Variants in RB1CC1 observed in about 807,000 individuals in gnomAD.
The protein encoded by RB1CC1 is RB1-inducible coiled-coil protein 1.
Under a neutral mutation model 177.5 loss-of-function variants are expected in RB1CC1, and 46 were observed. The observed-to-expected ratio is 0.26, with a 90% CI of 0.20 to 0.33. The LOEUF is 0.33. RB1CC1 is among the 10% of genes least tolerant of loss of function. The pLI is 1.00. For synonymous variants in RB1CC1, 666 were observed against 613.6 expected (o/e 1.09, Z -1.26); for missense variants, 1,703 against 1,816.3 (o/e 0.94, Z 1.13).
chr8:52,687,677 C>G (rs111710352), intron 1 of RB1CC1, among the ~76,000 whole-genome samples: 13 of 152,224 alleles, frequency 8.5e-5, no homozygotes, highest in African/African-American at 3.1e-4. Context: ...TCTTGACAAC[C>G]ACCACAAGCC....
chr8:52,706,955 C>T (rs1331747526), intron 1 of RB1CC1, among the ~76,000 whole-genome samples: 1 of 152,064 alleles, frequency 6.6e-6, no homozygotes, highest in South Asian at 2.1e-4. Flanking sequence ...AGTCACCACG[C>T]CCCAATTGTT....
At chr8:52,667,992 T>G (rs1852223500) in intron 8 of RB1CC1, 29 bp downstream of exon 8, 1 of 1,583,824 alleles carries the variant, frequency 6.3e-7, no homozygotes, top group Non-Finnish European at 8.6e-7. Context: ...TATAAATTCC[T>G]TTTCCTGAGA....
chr8:52,652,096 AAACTT>A lies in RB1CC1; in HGVS notation c.3821+3907_3821+3911del, dbSNP rs1357320245. 1.6e-4 allele frequency among the ~76,000 whole-genome samples: 24 copies of A among 152,326 alleles called. No individual in the cohort carries two copies. In the East Asian group the frequency reaches 4.4e-3, roughly 28 times the overall value. ...GATTTTTTTTCATATACTTCAATCAAAACTTAAGAGATTTGCAAATACATAGAACA... is the reference window on the plus strand; with the variant it reads ...GATTTTTTTTCATATACTTCAATCAAAAGAGATTTGCAAATACATAGAACA... On this transcript the variant is annotated intron_variant, in intron 15 of 23. Transcript: ENST00000025008.
chr8:52,635,515 A>C (rs1037406460), intron 19 of RB1CC1, among the ~76,000 whole-genome samples: 1 of 152,138 alleles, frequency 6.6e-6, no homozygotes, highest in African/African-American at 2.4e-5. Context: ...ATGTGTACCA[A>C]TTTGATCTTA....
Position 52,661,719 on chromosome 8 carries a change from C to A in RB1CC1, c.1174G>T (p.Gly392Ter). 3 of 1,536,228 alleles carry A rather than the reference C, an allele frequency of 2.0e-6. No homozygotes were observed. Among genetic ancestry groups the A allele is most frequent in the East Asian group, 2.4e-5 (1 of 42,536 alleles). The change falls in exon 9 of 24, where the codon GGA becomes TGA. Residue 392 changes from glycine to a stop codon, truncating the protein, a stop_gained and splice_region_variant. Coordinates refer to ENST00000025008, the MANE Select transcript of RB1CC1 (RefSeq NM_014781.5). LOFTEE classifies it high-confidence loss of function. Reference protein sequence around the residue: ...LVNEQKELAQGFLANQKRAEN... With the variant: ...LVNEQKELAQ ...GCTCTCTTCTGATTAGCTAAAAATCCCTTTGAGAAAAAAAATGTTTCAAAG... is the reference window on the plus strand; with the variant it reads ...GCTCTCTTCTGATTAGCTAAAAATCACTTTGAGAAAAAAAATGTTTCAAAG...
chr8:52,696,698 C>A (rs1056930101), intron 1 of RB1CC1, among the ~76,000 whole-genome samples: 1 of 152,142 alleles, frequency 6.6e-6, no homozygotes, highest in Admixed American at 6.5e-5. Flanking sequence ...CACTGTCCTT[C>A]CTATATGAAA....
rs73595497 is a variant in RB1CC1 at position 52,687,846 on chromosome 8, T to C, written c.-166-879A>G. ...TTGCTTCAAACAATCAAGTTTACTG[T>C]AATTTCTCACTCAACAATAGATGAT... On this transcript the variant is annotated intron_variant, in intron 1 of 23. Transcript: ENST00000025008. Among the ~76,000 whole-genome samples, 531 of 152,342 alleles carry C rather than the reference T, an allele frequency of 3.5e-3. 4 individuals are homozygous for C. The highest frequency in any genetic ancestry group is 0.012 in the African/African-American group (515 of 41,584).
In RB1CC1 at chr8:52,674,094, G is replaced by A. The variant is rs753415896; in HGVS notation, c.753C>T (p.Asn251=). ...VLSPDMPRTT[N]ESLLTSFPKS... ...TGGGAAATGAGGTTAACAAAGATTC[G>A]TTAGTTGTTCTAGGCATATCAGGAG... is the stretch of plus-strand genomic sequence containing the variant. Residue 251 remains asparagine (N), a synonymous_variant, in exon 7 of 24, where the codon AAC becomes AAT. Coordinates refer to ENST00000025008, the MANE Select transcript of RB1CC1 (RefSeq NM_014781.5). 2.9e-5 allele frequency: 46 copies of A among 1,614,020 alleles called. No individual in the cohort carries two copies. The highest frequency in any genetic ancestry group is 1.9e-4 in the South Asian group (17 of 91,090).
In RB1CC1 at chr8:52,660,223, A is replaced by C. The variant is rs189483123; in HGVS notation, c.1689+373T>G. Among the ~76,000 whole-genome samples the C allele has an allele frequency of 1.1e-3, 170 of 152,234 alleles. 1 individual carries two copies. The highest frequency in any genetic ancestry group is 3.9e-3 in the African/African-American group (160 of 41,556). On this transcript the variant is annotated intron_variant, in intron 12 of 23. Coordinates refer to ENST00000025008, the MANE Select transcript of RB1CC1 (RefSeq NM_014781.5). ...GGGGTGGTGTGAAAAGAAATATAGA[A>C]GGGCAAGGAGGAGGTGGAGGCTGTA...
chr8:52,705,582 C>T (rs749184829), intron 1 of RB1CC1, among the ~76,000 whole-genome samples: 9 of 152,188 alleles, frequency 5.9e-5, no homozygotes, highest in Non-Finnish European at 8.8e-5. Flanking sequence ...AATTCTACTT[C>T]TGGGAGCAAA....
chr8:52,712,997 A>T (rs1857183002), intron 1 of RB1CC1, among the ~76,000 whole-genome samples: 1 of 152,248 alleles, frequency 6.6e-6, no homozygotes, highest in South Asian at 2.1e-4. Flanking sequence ...ATCACAATGT[A>T]ATAACATTCT....
intron 18 of RB1CC1, among the ~76,000 whole-genome samples, chr8:52,640,864 T>A (rs1308654754): frequency 6.6e-6 from 1 of 152,158 alleles, no homozygotes; most frequent in African/African-American, 2.4e-5. Flanking sequence ...GTAACCAGTT[T>A]CTATTATTTT....
chr8:52,709,644 G>A (rs1336702198), intron 1 of RB1CC1, among the ~76,000 whole-genome samples: 2 of 152,212 alleles, frequency 1.3e-5, no homozygotes, highest in African/African-American at 4.8e-5. Context: ...AGGCTGAAGT[G>A]GGAGGATCAT....
In RB1CC1 at chr8:52,645,682, A is replaced by G. The variant is rs996387767; in HGVS notation, c.3987+20T>C. The G allele has an allele frequency of 1.3e-6, 2 of 1,597,946 alleles. No individual in the cohort carries two copies. Among genetic ancestry groups the G allele is most frequent in the African/African-American group, 1.4e-5 (1 of 73,734 alleles). On this transcript the variant is annotated intron_variant, in intron 16 of 23. Coordinates refer to ENST00000025008, the MANE Select transcript of RB1CC1 (RefSeq NM_014781.5). ...CTACCTTCTTTAGTTCTCAAATGAA[A>G]TGGGAAAAGAGATACAGACCTGTTG...
At chr8:52,713,026 A>T (rs1563488583) in intron 1 of RB1CC1, among the ~76,000 whole-genome samples, 1 of 152,244 alleles carries the variant, frequency 6.6e-6, no homozygotes, top group Non-Finnish European at 1.5e-5. Flanking sequence ...CACACAATTA[A>T]GTCTACTTAA....
At chr8:52,653,477 C>T (rs1037212304) in intron 15 of RB1CC1, among the ~76,000 whole-genome samples, 6 of 152,100 alleles carry the variant, frequency 3.9e-5, no homozygotes, top group African/African-American at 1.4e-4. Context: ...CCTACTAAAA[C>T]TGTAAAAACA....
intron 15 of RB1CC1, among the ~76,000 whole-genome samples, chr8:52,651,847 C>T (rs551053348): frequency 1.4e-4 from 22 of 152,168 alleles, no homozygotes; most frequent in Admixed American, 8.5e-4. Flanking sequence ...CAACTCATGA[C>T]GCTATAAAAT....
intron 15 of RB1CC1, among the ~76,000 whole-genome samples, chr8:52,649,675 T>A (rs1280525285): frequency 1.3e-5 from 2 of 152,136 alleles, no homozygotes; most frequent in Non-Finnish European, 2.9e-5. Flanking sequence ...GAAATTAGAA[T>A]TACAAAATTA....
chr8:52,652,845 G>A (rs940310369), intron 15 of RB1CC1, among the ~76,000 whole-genome samples: 1 of 151,692 alleles, frequency 6.6e-6, no homozygotes, highest in Admixed American at 6.6e-5. Flanking sequence ...ATCACCTGAG[G>A]TCAGGAGTTC....
Sources: gnomAD v4.1 joint callset for allele counts (sites outside exome capture counted in the v4.1 genomes callset) on GRCh38, gnomAD v4.1.1 for gene constraint, MANE v1.5 for transcripts, NCBI Gene and HGNC (gene_info 2026-07-23, HGNC 2026-07-21) for gene names.